The following FKBP11 variants were observed in gnomAD, a reference collection of about 807,000 sequenced individuals.
FKBP11 encodes the protein FKBP prolyl isomerase 11, also known as peptidyl-prolyl cis-trans isomerase FKBP11.
FKBP11 carries 21 observed loss-of-function variants against 24.7 expected under a neutral mutation model. That is an observed-to-expected ratio of 0.85 (90% CI 0.60 to 1.23). The LOEUF is 1.23. Ranked by LOEUF, FKBP11 falls within the 50% of genes most tolerant of loss-of-function variation. The probability of loss-of-function intolerance (pLI) is 0.00; values close to 1 mark genes in which losing one functional copy is unlikely to be tolerated. For synonymous variants in FKBP11, 106 were observed against 100.6 expected (o/e 1.05, Z -0.32); for missense variants, 245 against 248.7 (o/e 0.99, Z 0.10).
chr12:48,931,098 C>CAG (rs1312853039), upstream of FKBP11, among the ~76,000 whole-genome samples: 1 of 128,848 alleles, frequency 7.8e-6, no homozygotes, highest in African/African-American at 2.9e-5. Context: ...CACTGCACTC[C>CAG]AGCCTGGGCG....
the FKBP11 span, among the ~76,000 whole-genome samples, chr12:48,935,152 G>A: frequency 6.6e-6 from 1 of 152,066 alleles, no homozygotes; most frequent in Admixed American, 6.6e-5. Context: ...TTGAGGAGTA[G>A]GTGGGTAATG....
chr12:48,931,599 AG>A, the FKBP11 span: 1 of 840,690 alleles, frequency 1.2e-6, no homozygotes, highest in South Asian at 1.7e-5. Flanking sequence ...CCACACTCAA[AG>A]GTGTCTCTGT....
rs761395463 is a variant in FKBP11, at chr12:48,925,056, A to G, written c.185T>C (p.Ile62Thr). 2 of 1,535,982 alleles carry G rather than the reference A, an allele frequency of 1.3e-6. No homozygotes were observed. Among genetic ancestry groups the G allele is most frequent in the Non-Finnish European group, 1.8e-6 (2 of 1,130,702 alleles). ...CCCCAGACCCCTCACCGTGTAGTGT[A>G]TGTGAAGCGTGTCTCCAAAAGCAGC... ...EPAAFGDTLHIHYTGSLVDGR... is the reference protein window; with the variant it reads ...EPAAFGDTLHTHYTGSLVDGR... The change falls in exon 2 of 6, where the codon ATA (isoleucine) becomes ACA (threonine). Residue 62 changes from isoleucine (I) to threonine (T), a missense_variant. By Grantham distance (89) the Ile-to-Thr change is moderately conservative. Coordinates refer to ENST00000550765, the MANE Select transcript of FKBP11 (RefSeq NM_016594.3).
chr12:48,927,879 C>T (rs1197075320), upstream of FKBP11, among the ~76,000 whole-genome samples: 1 of 151,932 alleles, frequency 6.6e-6, no homozygotes, highest in East Asian at 1.9e-4. Flanking sequence ...GGATTGCCTA[C>T]CACCAGACAC....
the FKBP11 span, chr12:48,931,933 TCTCAGGCTCAAGCA>T: frequency 6.5e-6 from 1 of 154,026 alleles, no homozygotes; most frequent in South Asian, 2.0e-4. Context: ...AGCCTCAATC[TCTCAGGCTCAAGCA>T]ATCCTCCTGC....
At chr12:48,926,538 T>TTTTG (rs1432042907), upstream of FKBP11, 1 of 150,102 alleles carries the variant, frequency 6.7e-6, no homozygotes, top group East Asian at 2.0e-4. Context: ...TTTTTTTTTT[T>TTTTG]TTGAGGGGGA....
the FKBP11 span, chr12:48,931,616 T>C: frequency 6.8e-6 from 5 of 729,974 alleles, no homozygotes; most frequent in Non-Finnish European, 8.9e-6. Flanking sequence ...TCTGTCAGTG[T>C]GTAGGAGAAA....
intron 5 of FKBP11, chr12:48,923,003 CCGGT>C (rs1256664785): frequency 1.3e-6 from 1 of 764,248 alleles, no homozygotes; most frequent in Non-Finnish European, 1.9e-6. Context: ...ATAAAATTAG[CCGGT>C]CGTGGTGGCG....
At chr12:48,934,403 T>C in the FKBP11 span, among the ~76,000 whole-genome samples, 1 of 152,202 alleles carries the variant, frequency 6.6e-6, no homozygotes, top group African/African-American at 2.4e-5. Flanking sequence ...ATGCTATGCA[T>C]GTTCTGGAAG....
chr12:48,923,929 A>G (rs1468343621), intron 4 of FKBP11, 77 bp from the exon 5 acceptor site: 1 of 1,406,894 alleles, frequency 7.1e-7, no homozygotes. Context: ...AAGCTCCTTC[A>G]GCAAAACCCC....
chr12:48,930,986 A>T (rs1219822358), upstream of FKBP11, among the ~76,000 whole-genome samples: 1 of 151,908 alleles, frequency 6.6e-6, no homozygotes, highest in East Asian at 1.9e-4. Context: ...AAAATTAGCC[A>T]GGCGTGGTGG....
rs575568291 is a variant in FKBP11 at position 48,924,499 on chromosome 12, C to A, written c.283+62G>T. 7.4e-6 allele frequency: 11 copies of A among 1,493,648 alleles called. No homozygotes were observed. The East Asian group carries it at 9.0e-5, about 12-fold the overall frequency. 92.5% of individuals were successfully genotyped at this position (1,493,648 alleles called of 1,614,324 possible). A position where few individuals can be genotyped will look rare whatever the true frequency, so the allele number is the denominator to read the frequency against. ...GGGATTTCCAGGGCAGCTTTGGAGC[C>A]GAAGAGGCTAAGAAAGGGCTTAGGT... On this transcript the variant is annotated intron_variant, in intron 3 of 5. Coordinates refer to ENST00000550765, the MANE Select transcript of FKBP11 (RefSeq NM_016594.3).
upstream of FKBP11, among the ~76,000 whole-genome samples, chr12:48,928,884 G>C (rs1172381371): frequency 6.9e-6 from 1 of 144,028 alleles, no homozygotes; most frequent in Non-Finnish European, 1.5e-5. Flanking sequence ...GTGCAGTGGT[G>C]CAATCTCGGC....
upstream of FKBP11, chr12:48,925,760 A>C: frequency 3.1e-6 from 1 of 318,854 alleles, no homozygotes; most frequent in Non-Finnish European, 5.9e-6. Context: ...AATCCTCAAA[A>C]CCACCCTGAA....
upstream of FKBP11, chr12:48,925,627 C>T (rs1347658718): frequency 3.1e-6 from 2 of 648,860 alleles, no homozygotes; most frequent in South Asian, 2.0e-5. Flanking sequence ...CCCTCTGTAC[C>T]CTCCAAGATC....
chr12:48,922,624 A>G, intron 5 of FKBP11: 1 of 996,234 alleles, frequency 1.0e-6, no homozygotes, highest in African/African-American at 1.7e-5. Context: ...CAATGAGCAC[A>G]TTCAACGTGA....
At chr12:48,924,013 TC>T in intron 4 of FKBP11, 161 bp from the exon 5 acceptor site, 1 of 880,058 alleles carries the variant, frequency 1.1e-6, no homozygotes, top group Non-Finnish European at 1.9e-6. Flanking sequence ...GGTGTCCATC[TC>T]CCCATGTGCC....
the FKBP11 span, chr12:48,938,434 C>T: frequency 1.1e-5 from 5 of 453,982 alleles, no homozygotes; most frequent in South Asian, 6.2e-5. Flanking sequence ...CTCCCCGCTC[C>T]CCCCGGCCCC....
chr12:48,924,033 C>T (rs544445593), intron 4 of FKBP11, 181 bp from the exon 5 acceptor site: 144 of 879,412 alleles, frequency 1.6e-4, no homozygotes, highest in Non-Finnish European at 2.4e-4. Context: ...CCTCAACTCC[C>T]CCGACAAAAG....
Sources: gnomAD v4.1 joint callset for allele counts (sites outside exome capture counted in the v4.1 genomes callset) on GRCh38, gnomAD v4.1.1 for gene constraint, MANE v1.5 for transcripts, NCBI Gene and HGNC (gene_info 2026-07-23, HGNC 2026-07-21) for gene names.